The following KDM4B variants were observed in gnomAD, a reference collection of about 807,000 sequenced individuals.
The protein encoded by KDM4B is lysine demethylase 4B.
KDM4B carries 32 observed loss-of-function variants against 125.2 expected under a neutral mutation model. The ratio of observed to expected loss-of-function variants is 0.26; its 90% CI spans 0.19 to 0.34. The LOEUF is 0.34. KDM4B is among the 10% of genes least tolerant of loss of function. The pLI is 1.00. For synonymous variants in KDM4B, 721 were observed against 677.9 expected (o/e 1.06, Z -0.99); for missense variants, 1,190 against 1,577.7 (o/e 0.75, Z 4.16).
At chr19:5,113,510 C>A (rs1021793868) in intron 10 of KDM4B, among the ~76,000 whole-genome samples, 2 of 152,122 alleles carry the variant, frequency 1.3e-5, no homozygotes, top group African/African-American at 4.8e-5. Context: ...GGCTCCCTCC[C>A]TGAGGGCATA....
chr19:5,140,124 G>C (rs1285482833), intron 18 of KDM4B: 1 of 152,462 alleles, frequency 6.6e-6, no homozygotes, highest in Non-Finnish European at 1.5e-5. Context: ...CACCCTGTCT[G>C]AGCACTAGCA....
At position 4,971,836 on chromosome 19, in the gene KDM4B, G is replaced by T. The variant is rs573411204; in HGVS notation, c.-109+2606G>T. On this transcript the variant is annotated intron_variant, in intron 1 of 22. Coordinates refer to ENST00000159111, the MANE Select transcript of KDM4B (RefSeq NM_015015.3). The surrounding 1 kb of genome is among the most constrained non-coding windows in gnomAD (Gnocchi z 4.1). ...GAGCGGAATTGGGGGTTCAGAGCTG[G>T]GTGACCTTGACCCAGTCACTTGCTC... Among the ~76,000 whole-genome samples the T allele has an allele frequency of 6.6e-6, 1 of 152,194 alleles. No individual in the cohort carries two copies. The highest frequency in any genetic ancestry group is 1.9e-4 in the East Asian group (1 of 5,168).
At chr19:5,018,701 C>CGACA (rs1170375727) in intron 2 of KDM4B, among the ~76,000 whole-genome samples, 2 of 152,188 alleles carry the variant, frequency 1.3e-5, no homozygotes, top group Admixed American at 1.3e-4. Flanking sequence ...AAGCTCTGTC[C>CGACA]CCCTCAGCAG....
chr19:5,055,083 G>A (rs1013513838), intron 6 of KDM4B, among the ~76,000 whole-genome samples: 12 of 152,256 alleles, frequency 7.9e-5, no homozygotes, highest in African/African-American at 1.9e-4. Flanking sequence ...CAGCTTCTCC[G>A]GCTGGCCTGA....
intron 9 of KDM4B, among the ~76,000 whole-genome samples, chr19:5,109,611 C>T (rs918529490): frequency 6.6e-6 from 1 of 152,226 alleles, no homozygotes; most frequent in Non-Finnish European, 1.5e-5. Context: ...CCCAAGACCC[C>T]AGGCAAGCCG....
At chr19:5,007,542 CTTTTTTTTT>C (rs10536135) in intron 1 of KDM4B, among the ~76,000 whole-genome samples, 1 of 100,758 alleles carries the variant, frequency 9.9e-6, no homozygotes, top group Non-Finnish European at 1.9e-5. Context: ...TTCTCTCTCT[CTTTTTTTTT>C]TTTTTTTTTT....
At chr19:5,072,089 T>C (rs2037967749) in intron 7 of KDM4B, among the ~76,000 whole-genome samples, 1 of 152,186 alleles carries the variant, frequency 6.6e-6, no homozygotes, top group African/African-American at 2.4e-5. Context: ...CCAGGAGCTC[T>C]CACCCAGCCT....
intron 1 of KDM4B, among the ~76,000 whole-genome samples, chr19:4,969,583 G>A (rs1472928335): frequency 6.6e-6 from 1 of 151,588 alleles, no homozygotes; most frequent in African/African-American, 2.4e-5. Context: ...GGGTGGCCCC[G>A]GCCGGGCCCT....
intron 9 of KDM4B, among the ~76,000 whole-genome samples, chr19:5,089,807 C>G (rs751464836): frequency 1.3e-5 from 2 of 151,936 alleles, no homozygotes; most frequent in Admixed American, 6.6e-5. Context: ...AGCAAGCACC[C>G]CACAGTTCCC....
chr19:5,117,483 C>T (rs1046963711), intron 10 of KDM4B, among the ~76,000 whole-genome samples: 1 of 152,090 alleles, frequency 6.6e-6, no homozygotes, highest in Non-Finnish European at 1.5e-5. Context: ...TGGGGCATTC[C>T]CAGACCAGGA....
chr19:5,000,606 T>A (rs1417289529), intron 1 of KDM4B, among the ~76,000 whole-genome samples: 1 of 152,096 alleles, frequency 6.6e-6, no homozygotes, highest in Non-Finnish European at 1.5e-5. Context: ...TCCTCCAGAG[T>A]AGGAGCCAAT....
In KDM4B at chr19:5,108,485, T is replaced by G. The variant is rs553091073; in HGVS notation, c.919-2137T>G. Among the ~76,000 whole-genome samples the G allele has an allele frequency of 1.6e-3, 246 of 152,040 alleles. 1 individual carries two copies. The highest frequency in any genetic ancestry group is 5.7e-3 in the African/African-American group (238 of 41,482). On this transcript the variant is annotated intron_variant, in intron 9 of 22. Coordinates refer to ENST00000159111, the MANE Select transcript of KDM4B (RefSeq NM_015015.3). Reference sequence around the variant, plus strand: ...ATGGCCCCCCTGGGACTGGGTAAGGTGGGGGGAGGCACGAGCTGCAGGAAA... The same window carrying G: ...ATGGCCCCCCTGGGACTGGGTAAGGGGGGGGGAGGCACGAGCTGCAGGAAA...
chr19:5,019,306 G>A (rs1294808827), intron 2 of KDM4B, among the ~76,000 whole-genome samples: 3 of 93,772 alleles, frequency 3.2e-5, no homozygotes, highest in Non-Finnish European at 7.3e-5. Context: ...GTGTTGGTGT[G>A]GGTGTTGGTG....
At chr19:5,103,674 C>T (rs573167890) in intron 9 of KDM4B, among the ~76,000 whole-genome samples, 2 of 152,360 alleles carry the variant, frequency 1.3e-5, no homozygotes, top group Non-Finnish European at 2.9e-5. Context: ...TCCTGCTAGA[C>T]CCTCTCTCCA....
chr19:5,083,450 G>A (rs1201353368), intron 9 of KDM4B, among the ~76,000 whole-genome samples: 2 of 152,226 alleles, frequency 1.3e-5, no homozygotes, highest in South Asian at 2.1e-4. Flanking sequence ...CTAGGAGGCC[G>A]TCTGGGCATC....
intron 10 of KDM4B, chr19:5,119,198 AGACCAAAAGGCC>A: frequency 6.5e-7 from 1 of 1,534,678 alleles, no homozygotes; most frequent in Non-Finnish European, 8.7e-7. Flanking sequence ...AAGAAAGAGC[AGACCAAAAGGCC>A]GGGGCTGTCG....
At chr19:5,004,434 G>A (rs1004405353) in intron 1 of KDM4B, among the ~76,000 whole-genome samples, 3 of 152,102 alleles carry the variant, frequency 2.0e-5, no homozygotes, top group South Asian at 4.1e-4. Flanking sequence ...GCTGCCCCCC[G>A]GGCTCATACA....
intron 9 of KDM4B, among the ~76,000 whole-genome samples, chr19:5,091,491 C>G (rs1017341222): frequency 6.6e-6 from 1 of 152,116 alleles, no homozygotes; most frequent in Non-Finnish European, 1.5e-5. Context: ...TTCCAGGAAA[C>G]GGCCCACTCG....
chr19:5,082,611 C>G lies in KDM4B; in HGVS notation c.918+107C>G, dbSNP rs2038336142. The G allele has an allele frequency of 7.8e-7, 1 of 1,278,680 alleles. No homozygotes were observed. The highest frequency in any genetic ancestry group is 1.1e-6 in the Non-Finnish European group (1 of 945,026). The allele number at this position is 1,278,680 out of a possible 1,614,324, so 79.2% of individuals were successfully genotyped here. A position where few individuals can be genotyped will look rare whatever the true frequency, so the allele number is the denominator to read the frequency against. The stretch of plus-strand genomic sequence containing the variant: ...TGGTCCAGCAGCCGTTTCGCTCAGC[C>G]CAGGGCCTGGGCTCTCAACCAGGGT... On this transcript the variant is annotated intron_variant, in intron 9 of 22. Transcript: ENST00000159111. The surrounding 1 kb of genome is among the most constrained non-coding windows in gnomAD (Gnocchi z 5.4).
Sources: allele counts gnomAD v4.1 joint callset (sites outside exome capture counted in the v4.1 genomes callset), GRCh38; gene constraint gnomAD v4.1.1; non-coding constraint Gnocchi (gnomAD v3.1); transcripts MANE v1.5; gene names NCBI Gene and HGNC (gene_info 2026-07-23, HGNC 2026-07-21).